The following ACSL6 variants were observed in gnomAD, a reference collection of about 807,000 sequenced individuals.
ACSL6 encodes acyl-CoA synthetase long chain family member 6.
A neutral mutation model predicts 98.2 loss-of-function variants in ACSL6; 47 were observed. The observed-to-expected ratio is 0.48, with a 90% CI of 0.38 to 0.61. The LOEUF is 0.61. Among genes scored for constraint, ACSL6 ranks in the 20% least tolerant of loss-of-function variants. ACSL6 has a pLI of 0.00. For synonymous variants in ACSL6, 362 were observed against 336.9 expected (o/e 1.07, Z -0.82); for missense variants, 761 against 913.4 (o/e 0.83, Z 2.15).
intron 8 of ACSL6, among the ~76,000 whole-genome samples, chr5:131,986,001 C>CA (rs909123806): frequency 3.3e-5 from 5 of 152,228 alleles, no homozygotes; most frequent in African/African-American, 2.4e-5. Flanking sequence ...AGTCTGCTTG[C>CA]ATGTAGAGGA....
upstream of ACSL6, chr5:132,012,115 G>A (rs945872408): frequency 1.5e-6 from 1 of 656,888 alleles, no homozygotes; most frequent in South Asian, 3.3e-5. Context: ...ACACTCCTGT[G>A]GGCTGTTGCC....
chr5:131,961,199 A>AT (rs1240578190), intron 18 of ACSL6, among the ~76,000 whole-genome samples: 4 of 151,638 alleles, frequency 2.6e-5, no homozygotes, highest in African/African-American at 9.7e-5. Context: ...TAATTTTTGT[A>AT]TTTTTTGTAG....
Position 131,952,839 on chromosome 5 carries a change from A to AC in ACSL6, c.*1394_*1395insG, listed in dbSNP as rs548368440. On this transcript the variant is annotated 3_prime_UTR_variant, in exon 21 of 21. Coordinates refer to ENST00000651883, the MANE Select transcript of ACSL6 (RefSeq NM_001009185.3). ...TATTTCTTTGTCTATGGACTTAAAAAGTTTTCTTGGGGCATTTTAAAGAGG... is the reference window on the plus strand; with the variant it reads ...TATTTCTTTGTCTATGGACTTAAAAACGTTTTCTTGGGGCATTTTAAAGAGG... 1.2e-3 allele frequency: 260 copies of AC among 218,248 alleles called. No individual in the cohort carries two copies. Among genetic ancestry groups the AC allele is most frequent in the African/African-American group, 5.4e-3 (242 of 44,618 alleles). 13.5% of individuals were successfully genotyped at this position (218,248 alleles called of 1,614,324 possible).
chr5:131,989,752 C>T (rs1328737816), intron 4 of ACSL6, among the ~76,000 whole-genome samples: 2 of 152,066 alleles, frequency 1.3e-5, no homozygotes, highest in African/African-American at 4.8e-5. Flanking sequence ...TGCCACCACA[C>T]CTGGCTAATT....
intron 8 of ACSL6, 93 bp downstream of exon 8, chr5:131,986,729 A>G: frequency 6.7e-7 from 1 of 1,486,126 alleles, no homozygotes; most frequent in South Asian, 1.1e-5. Context: ...TTATTAACAC[A>G]GAGGTGCTGT....
In ACSL6 at chr5:131,951,365, A is replaced by G. The variant is rs1752149159; in HGVS notation, c.*2869T>C. 5.0e-6 allele frequency: 1 copy of G among 199,754 alleles called. No homozygotes were observed. Among genetic ancestry groups the G allele is most frequent in the South Asian group, 1.9e-4 (1 of 5,232 alleles). 12.4% of individuals were successfully genotyped at this position (199,754 alleles called of 1,614,324 possible). A position where few individuals can be genotyped will look rare whatever the true frequency, so the allele number is the denominator to read the frequency against. On this transcript the variant is annotated 3_prime_UTR_variant, in exon 21 of 21. Coordinates refer to ENST00000651883, the MANE Select transcript of ACSL6 (RefSeq NM_001009185.3). ...AAGCAAGAAGGATTTTTCCACTGAT[A>G]CATAGGGTTTCATTTCTCATTTCTT...
At chr5:131,990,264 G>T in intron 3 of ACSL6, 100 bp from the exon 4 acceptor site, 2 of 1,205,228 alleles carry the variant, frequency 1.7e-6, no homozygotes, top group Non-Finnish European at 2.4e-6. Context: ...CCATACTGTA[G>T]TGTGTCCATG....
In ACSL6 at chr5:131,988,576, G is replaced by T. The variant is rs73264100; in HGVS notation, c.652+229C>A. ...TGTACCCTGTGTGGAGGCTGTTGCAGAGGCTCCTTCTTGGCAGCTGAGCCC... is the reference window on the plus strand; with the variant it reads ...TGTACCCTGTGTGGAGGCTGTTGCATAGGCTCCTTCTTGGCAGCTGAGCCC... On this transcript the variant is annotated intron_variant, in intron 6 of 20. Transcript: ENST00000651883. 3.3e-3 allele frequency: 5,347 copies of T among 1,612,870 alleles called. 73 individuals carry two copies. Among genetic ancestry groups the T allele is most frequent in the African/African-American group, 0.028 (2,086 of 75,032 alleles).
At chr5:131,974,829 A>G (rs1245074794) in intron 11 of ACSL6, 64 bp downstream of exon 11, 1 of 1,613,584 alleles carries the variant, frequency 6.2e-7, no homozygotes, top group African/African-American at 1.3e-5. Context: ...GTGGGAGCCC[A>G]CTGACTCTGT....
chr5:131,979,353 A>C (rs1338523629), intron 9 of ACSL6, among the ~76,000 whole-genome samples: 1 of 152,194 alleles, frequency 6.6e-6, no homozygotes, highest in Admixed American at 6.5e-5. Flanking sequence ...GGATTTGCAA[A>C]GTTGGCTGAC....
rs1349200054 is a variant in ACSL6, at chr5:131,993,642, G to A, written c.270+389C>T. On this transcript the variant is annotated intron_variant, in intron 2 of 20. Coordinates refer to ENST00000651883, the MANE Select transcript of ACSL6 (RefSeq NM_001009185.3). ...GAGTCCATGTACTCAGGGAGAGCAG[G>A]GCCAGGAGTGGGCTGAATCCTGGGT... The A allele has an allele frequency of 2.3e-5, 6 of 261,860 alleles. No individual in the cohort carries two copies. In the East Asian group the frequency reaches 5.7e-4, roughly 25 times the overall value. The allele number at this position is 261,860 out of a possible 1,614,324, so 16.2% of individuals were successfully genotyped here.
intron 8 of ACSL6, among the ~76,000 whole-genome samples, chr5:131,985,694 C>A (rs1323946916): frequency 6.6e-6 from 1 of 152,218 alleles, no homozygotes; most frequent in Non-Finnish European, 1.5e-5. Flanking sequence ...ACTAATCTGT[C>A]CCACCAACCT....
In ACSL6 at chr5:131,959,525, G is replaced by A. The variant is rs1752589389; in HGVS notation, c.2031+11C>T. The A allele has an allele frequency of 1.9e-6, 3 of 1,613,474 alleles. No homozygotes were observed. The South Asian group carries it at 3.3e-5, about 18-fold the overall frequency. On this transcript the variant is annotated intron_variant, in intron 20 of 20. Coordinates refer to ENST00000651883, the MANE Select transcript of ACSL6 (RefSeq NM_001009185.3). ...AAGGGTTGTAACGAGTATGGGGAAG[G>A]TAACAGTTACCTGCTCAAAAGAATG...
At position 131,973,376 on chromosome 5, in the gene ACSL6, G is replaced by A. The variant is rs374771475; in HGVS notation, c.1093C>T (p.Arg365Cys). 1.0e-4 allele frequency: 164 copies of A among 1,614,114 alleles called. No individual in the cohort carries two copies. Among genetic ancestry groups the A allele is most frequent in the South Asian group, 1.6e-4 (15 of 91,076 alleles). ...IQSVVYCHGG[R>C]VGFFQGDIRL... ...ATATCTCCCTGGAAGAAGCCAACACGCCCTCCGTGGCAATAGACGACAGAC... is the reference window on the plus strand; with the variant it reads ...ATATCTCCCTGGAAGAAGCCAACACACCCTCCGTGGCAATAGACGACAGAC... Residue 365 changes from arginine (R) to cysteine (C), a missense_variant, in exon 12 of 21, where the codon CGT becomes TGT. Physicochemically the swap from Arg to Cys is radical, Grantham distance 180. Coordinates refer to ENST00000651883, the MANE Select transcript of ACSL6 (RefSeq NM_001009185.3).
At chr5:131,985,103 A>G (rs1754104148) in intron 9 of ACSL6, 1 of 405,754 alleles carries the variant, frequency 2.5e-6, no homozygotes, top group East Asian at 4.6e-5. Flanking sequence ...CCAGAGAGAA[A>G]TGATGCCAGT....
intron 20 of ACSL6, among the ~76,000 whole-genome samples, chr5:131,957,076 G>C (rs1407290977): frequency 6.6e-6 from 1 of 152,082 alleles, no homozygotes; most frequent in African/African-American, 2.4e-5. Flanking sequence ...TAATTTTAGA[G>C]ACATAGTATT....
chr5:132,011,596 ACCCGCAGCCCCGCAGC>A lies in ACSL6; in HGVS notation c.-59_-44del, dbSNP rs530434520. On this transcript the variant is annotated 5_prime_UTR_variant, in exon 1 of 21. Transcript: ENST00000651883. This position sits in a 1 kb window ranked among gnomAD's most constrained non-coding sequence, Gnocchi z 5.4. ...GGCCCGGCCCGGCCCGGCCTCCCCG[ACCCGCAGCCCCGCAGC>A]CCCGCAGCCCAGCAGCCCCAGCAGT... The A allele has an allele frequency of 1.4e-6, 2 of 1,459,952 alleles. No homozygotes were observed. Among genetic ancestry groups the A allele is most frequent in the Non-Finnish European group, 1.8e-6 (2 of 1,107,796 alleles). 90.4% of individuals were successfully genotyped at this position (1,459,952 alleles called of 1,614,324 possible).
At position 131,954,203 on chromosome 5, in the gene ACSL6, T is replaced by A; in HGVS notation, c.*31A>T. 1 of 1,596,266 alleles carries A rather than the reference T, an allele frequency of 6.3e-7. No individual in the cohort carries two copies. Among genetic ancestry groups the A allele is most frequent in the Non-Finnish European group, 8.5e-7 (1 of 1,174,080 alleles). On this transcript the variant is annotated 3_prime_UTR_variant, in exon 21 of 21. Coordinates refer to ENST00000651883, the MANE Select transcript of ACSL6 (RefSeq NM_001009185.3). ...AATAACTATAATATTGCTAGACAGT[T>A]CATTACACTGAGAAGAACTTTCCTT... is the stretch of plus-strand genomic sequence containing the variant.
In ACSL6 at chr5:132,009,809, G is replaced by A. The variant is rs76333675; in HGVS notation, c.49+1696C>T. ...CCTGCTCACAGACAAGGACCCCACA[G>A]GGTGAGGGACTTTTTCTCACAGGCT... is the stretch of plus-strand genomic sequence containing the variant. On this transcript the variant is annotated intron_variant, in intron 1 of 20. Coordinates refer to ENST00000651883, the MANE Select transcript of ACSL6 (RefSeq NM_001009185.3). Among the ~76,000 whole-genome samples, 1,013 of 152,268 alleles carry A rather than the reference G, an allele frequency of 6.7e-3. 13 individuals are homozygous for A. Among genetic ancestry groups the A allele is most frequent in the African/African-American group, 0.022 (898 of 41,558 alleles).
Sources: allele counts gnomAD v4.1 joint callset (sites outside exome capture counted in the v4.1 genomes callset), GRCh38; gene constraint gnomAD v4.1.1; non-coding constraint Gnocchi (gnomAD v3.1); transcripts MANE v1.5; gene names NCBI Gene and HGNC (gene_info 2026-07-23, HGNC 2026-07-21).